Variants in TSPEAR observed in about 807,000 individuals in gnomAD.
TSPEAR encodes the protein thrombospondin type laminin G domain and EAR repeats, also known as thrombospondin-type laminin G domain and EAR repeat-containing protein.
A neutral mutation model predicts 71.6 loss-of-function variants in TSPEAR; 69 were observed. That is an observed-to-expected ratio of 0.96 (90% CI 0.79 to 1.18). TSPEAR has a LOEUF of 1.18. Ranked by LOEUF, TSPEAR falls within the 50% of genes most tolerant of loss-of-function variation. The pLI is 0.00. For missense variants in TSPEAR, 971 were observed against 894.9 expected (o/e 1.09, Z -1.09); for synonymous variants, 402 against 387.2 (o/e 1.04, Z -0.45).
intron 2 of TSPEAR, among the ~76,000 whole-genome samples, chr21:44,550,101 C>T (rs2053379195): frequency 6.6e-6 from 1 of 152,284 alleles, no homozygotes; most frequent in Admixed American, 6.5e-5. Flanking sequence ...GTGCGTGGGG[C>T]GTTGGCCTGA....
At position 44,533,794 on chromosome 21, in the gene TSPEAR, C is replaced by T; in HGVS notation, c.433G>A (p.Val145Met). Residue 145 changes from valine (V) to methionine (M), a missense_variant, in exon 3 of 12, where the codon GTG (valine) becomes ATG (methionine). Physicochemically the swap from Val to Met is conservative, Grantham distance 21. Transcript: ENST00000323084. Reference protein sequence around the residue: ...EDTAGAWQTRVSFRSPALVDG... With the variant: ...EDTAGAWQTRMSFRSPALVDG... ...ACCAGGGCCGGGCTGCGGAAGGACA[C>T]TCGGGTCTGCCAGGCGCCGGCCGTG... The T allele has an allele frequency of 6.2e-7, 1 of 1,612,532 alleles. No homozygotes were observed. The highest frequency in any genetic ancestry group is 1.7e-5 in the Admixed American group (1 of 60,008).
intron 1 of TSPEAR, among the ~76,000 whole-genome samples, chr21:44,606,591 A>AT (rs1239996551): frequency 3.3e-5 from 5 of 152,234 alleles, no homozygotes; most frequent in African/African-American, 9.6e-5. Flanking sequence ...TTTCAGTCTT[A>AT]TTCACAATAG....
intron 1 of TSPEAR, among the ~76,000 whole-genome samples, chr21:44,634,456 T>C (rs1983429454): frequency 1.3e-5 from 2 of 152,144 alleles, no homozygotes; most frequent in South Asian, 2.1e-4. Context: ...ACCAGAAGCA[T>C]AAGCAACAAA....
At chr21:44,514,249 TCCTG>T (rs1555913071) in intron 9 of TSPEAR, among the ~76,000 whole-genome samples, 9 of 152,088 alleles carry the variant, frequency 5.9e-5, no homozygotes, top group African/African-American at 2.4e-5. Flanking sequence ...GCTTAGGGGC[TCCTG>T]CCTGTTTTTC....
At chr21:44,680,245 C>T (rs187809120) in intron 1 of TSPEAR, among the ~76,000 whole-genome samples, 4 of 152,052 alleles carry the variant, frequency 2.6e-5, no homozygotes, top group Admixed American at 6.6e-5. Flanking sequence ...GAATAGGCAT[C>T]TCTCAAAAGA....
intron 1 of TSPEAR, among the ~76,000 whole-genome samples, chr21:44,645,433 T>G (rs1555939333): frequency 6.6e-6 from 1 of 151,496 alleles, no homozygotes; most frequent in African/African-American, 2.4e-5. Flanking sequence ...CTCAGCTCAC[T>G]GCAACCTCCA....
At chr21:44,525,952 G>A (rs768544662) in intron 7 of TSPEAR, 113 bp from the exon 8 acceptor site, 242 of 1,119,396 alleles carry the variant, frequency 2.2e-4, no homozygotes, top group Non-Finnish European at 3.0e-4. Flanking sequence ...GCTGCTACGT[G>A]GTGCAGGGAC....
intron 1 of TSPEAR, among the ~76,000 whole-genome samples, chr21:44,643,046 C>A (rs886967845): frequency 6.6e-6 from 1 of 152,062 alleles, no homozygotes; most frequent in Non-Finnish European, 1.5e-5. Context: ...AAAGAAAATG[C>A]GGTGCATATG....
intron 1 of TSPEAR, among the ~76,000 whole-genome samples, chr21:44,701,325 A>G (rs1434674827): frequency 2.0e-5 from 3 of 152,130 alleles, no homozygotes; most frequent in Non-Finnish European, 4.4e-5. Flanking sequence ...CAGTCATCCT[A>G]CAGTGCTATC....
chr21:44,675,972 G>A, intron 1 of TSPEAR: 1 of 820,808 alleles, frequency 1.2e-6, no homozygotes, highest in Non-Finnish European at 2.2e-6. Flanking sequence ...GCTTCCTTCA[G>A]CCAGTCTTGT....
At position 44,601,936 on chromosome 21, in the gene TSPEAR, C is replaced by A. The variant is rs1231279645; in HGVS notation, c.83-33931G>T. 7 of 768,278 alleles carry A rather than the reference C, an allele frequency of 9.1e-6. No individual in the cohort carries two copies. The African/African-American group carries it at 1.2e-4, about 14-fold the overall frequency. 47.6% of individuals were successfully genotyped at this position (768,278 alleles called of 1,614,324 possible). On this transcript the variant is annotated intron_variant, in intron 1 of 11. Coordinates refer to ENST00000323084, the MANE Select transcript of TSPEAR (RefSeq NM_144991.3). ...TCTTGACTTTCCCCCAATTACCCAG[C>A]CCTGCTTCCCCAGCAACAGGTGGGC... is the stretch of plus-strand genomic sequence containing the variant.
At position 44,558,567 on chromosome 21, in the gene TSPEAR, A is replaced by C. The variant is rs746946715; in HGVS notation, c.303+9218T>G. On this transcript the variant is annotated intron_variant, in intron 2 of 11. Coordinates refer to ENST00000323084, the MANE Select transcript of TSPEAR (RefSeq NM_144991.3). ...GCAGCAGGGGCTGGACACACAGCTC[A>C]CTGGGGTGCAGACCAGGGTCAGGCA... The C allele has an allele frequency of 4.3e-5, 70 of 1,612,164 alleles. No individual in the cohort carries two copies. Among genetic ancestry groups the C allele is most frequent in the Non-Finnish European group, 5.9e-5 (69 of 1,179,230 alleles).
At chr21:44,658,536 C>A (rs1985307420) in intron 1 of TSPEAR, among the ~76,000 whole-genome samples, 1 of 152,220 alleles carries the variant, frequency 6.6e-6, no homozygotes, top group Non-Finnish European at 1.5e-5. Context: ...TCCCTATACA[C>A]CTCGTCTCTC....
intron 1 of TSPEAR, chr21:44,647,269 G>A: frequency 6.2e-7 from 1 of 1,601,854 alleles, no homozygotes; most frequent in East Asian, 2.3e-5. Context: ...CTGCCGCCCG[G>A]CCTCCTGCGT....
chr21:44,625,320 C>T (rs1018759327), intron 1 of TSPEAR, among the ~76,000 whole-genome samples: 5 of 152,140 alleles, frequency 3.3e-5, no homozygotes, highest in African/African-American at 7.2e-5. Flanking sequence ...GGGCCACGCA[C>T]GGTGGCTTAC....
chr21:44,707,592 A>AG (rs1219514397), intron 1 of TSPEAR, among the ~76,000 whole-genome samples: 7 of 150,326 alleles, frequency 4.7e-5, no homozygotes, highest in South Asian at 2.1e-4. Flanking sequence ...ATGGGGGCGG[A>AG]GCGGGGGAAA....
intron 9 of TSPEAR, among the ~76,000 whole-genome samples, chr21:44,510,484 G>T (rs1011497444): frequency 1.3e-5 from 2 of 152,218 alleles, no homozygotes. Flanking sequence ...GACGCCCCTG[G>T]GTCTGATGCG....
chr21:44,627,307 G>A (rs371324099), intron 1 of TSPEAR: 3 of 1,612,756 alleles, frequency 1.9e-6, no homozygotes, highest in African/African-American at 2.7e-5. Flanking sequence ...CCTGACCCTG[G>A]TCTGCACCCC....
rs547487494 is a variant in TSPEAR, at chr21:44,703,389, A to G, written c.82+8044T>C. On this transcript the variant is annotated intron_variant, in intron 1 of 11. Transcript: ENST00000323084. ...CAGGTGGTGATGTCTCTGATGGCACATCTGGCCAGAGGGCTCCTTGGCAGG... is the reference window on the plus strand; with the variant it reads ...CAGGTGGTGATGTCTCTGATGGCACGTCTGGCCAGAGGGCTCCTTGGCAGG... Among the ~76,000 whole-genome samples the G allele has an allele frequency of 2.0e-3, 302 of 152,330 alleles. 3 individuals carry two copies. The highest frequency in any genetic ancestry group is 6.9e-3 in the African/African-American group (288 of 41,572).
Sources: allele counts gnomAD v4.1 joint callset (sites outside exome capture counted in the v4.1 genomes callset), GRCh38; gene constraint gnomAD v4.1.1; transcripts MANE v1.5; gene names NCBI Gene and HGNC (gene_info 2026-07-23, HGNC 2026-07-21).